Variants in RYR1 observed in about 807,000 individuals in gnomAD.
RYR1 encodes the protein central core disease of muscle.
Under a neutral mutation model 583.5 loss-of-function variants are expected in RYR1, and 342 were observed. That is an observed-to-expected ratio of 0.59 (90% CI 0.54 to 0.64). The LOEUF (loss-of-function observed/expected upper bound fraction) is 0.64, where lower values mean the gene tolerates loss of function less well. RYR1 is among the 30% of genes least tolerant of loss of function. The pLI is 0.00. For missense variants in RYR1, 6,032 were observed against 6,917.2 expected (o/e 0.87, Z 4.54); for synonymous variants, 2,791 against 2,822.5 (o/e 0.99, Z 0.35).
At chr19:38,526,817 C>G in intron 71 of RYR1, 176 bp from the exon 72 acceptor site, 5 of 643,170 alleles carry the variant, frequency 7.8e-6, no homozygotes, top group African/African-American at 5.4e-5. Flanking sequence ...TCCGGCCCCT[C>G]TAGGACCCCT....
intron 87 of RYR1, among the ~76,000 whole-genome samples, chr19:38,544,219 G>A (rs1448248034): frequency 6.6e-6 from 1 of 152,142 alleles, no homozygotes; most frequent in Non-Finnish European, 1.5e-5. Flanking sequence ...GGCTAGGATG[G>A]GGCTGGTTTC....
rs141659378 is a variant in RYR1, at chr19:38,514,385, A to T, written c.9473-641A>T. ...AACCTCTGCCTCCCGGGTTCAAGTG[A>T]TTCTCCTGCCTCAGCCCCCCGAGTA... On this transcript the variant is annotated intron_variant, in intron 63 of 105. Coordinates refer to ENST00000359596, the MANE Select transcript of RYR1 (RefSeq NM_000540.3). Among the ~76,000 whole-genome samples, 1,304 of 149,582 alleles carry T rather than the reference A, an allele frequency of 8.7e-3. 17 individuals are homozygous for T. The highest frequency in any genetic ancestry group is 0.031 in the African/African-American group (1,250 of 40,392).
chr19:38,466,207 C>G lies in RYR1; in HGVS notation c.2987C>G (p.Ala996Gly). The stretch of plus-strand genomic sequence containing the variant: ...GCAGAAAATGGGCACAACGTGTGGG[C>G]CCGAGACCGCGTGGGCCAGGGCTGG... ...RLAENGHNVW[A>G]RDRVGQGWSY... The change falls in exon 24 of 106, where the codon GCC becomes GGC. Residue 996 changes from alanine (A) to glycine (G), a missense_variant. Ala to Gly is a moderately conservative substitution (Grantham distance 60). Around this residue, in one of 11 missense-constraint regions of RYR1, gnomAD observed 2,627 missense variants for 2,961.3 expected, o/e 0.89. Transcript: ENST00000359596. 6.2e-7 allele frequency: 1 copy of G among 1,613,442 alleles called. No homozygotes were observed. Among genetic ancestry groups the G allele is most frequent in the Non-Finnish European group, 8.5e-7 (1 of 1,179,952 alleles).
In RYR1 at chr19:38,466,241, C is replaced by G. The variant is rs143891703; in HGVS notation, c.3021C>G (p.Ser1007Arg). The change falls in exon 24 of 106, where the codon AGC becomes AGG. Residue 1007 changes from serine (S) to arginine (R), a missense_variant. This residue lies in a region of RYR1 where 2,627 missense variants were observed against 2,961.3 expected (regional missense o/e 0.89). Coordinates refer to ENST00000359596, the MANE Select transcript of RYR1 (RefSeq NM_000540.3). ...GCGTGGGCCAGGGCTGGAGCTACAG[C>G]GCAGTGCAGGACATCCCAGCGCGCC... ...RDRVGQGWSY[S>R]AVQDIPARRN... 1.2e-6 allele frequency: 2 copies of G among 1,613,238 alleles called. No homozygotes were observed. The highest frequency in any genetic ancestry group is 2.7e-5 in the African/African-American group (2 of 74,928).
chr19:38,448,744 C>T lies in RYR1; in HGVS notation c.1053C>T (p.Ala351=), dbSNP rs1966923320. 5 of 1,614,110 alleles carry T rather than the reference C, an allele frequency of 3.1e-6. No homozygotes were observed. Among genetic ancestry groups the T allele is most frequent in the Non-Finnish European group, 4.2e-6 (5 of 1,180,052 alleles). The change falls in exon 11 of 106, where the codon GCC becomes GCT. Residue 351 remains alanine (A), a synonymous_variant. Transcript: ENST00000359596. ...GESLCFVQHV[A]SGLWLTYAAP... Reference sequence around the variant, plus strand: ...CACTGTGCTTCGTGCAGCATGTGGCCTCAGGACTGTGGCTCACCTATGCTG... The same window carrying T: ...CACTGTGCTTCGTGCAGCATGTGGCTTCAGGACTGTGGCTCACCTATGCTG...
chr19:38,478,419 C>A lies in RYR1; in HGVS notation c.4455-16C>A. On this transcript the variant is annotated splice_polypyrimidine_tract_variant and intron_variant, in intron 30 of 105. Coordinates refer to ENST00000359596, the MANE Select transcript of RYR1 (RefSeq NM_000540.3). ...ACTCACATGAGGAGTGCAGTGACCG[C>A]TTCTGTCTCCTGCAGCCTCAAGTGT... is the stretch of plus-strand genomic sequence containing the variant. 6.2e-7 allele frequency: 1 copy of A among 1,612,092 alleles called. No individual in the cohort carries two copies. The highest frequency in any genetic ancestry group is 1.1e-5 in the South Asian group (1 of 91,026).
chr19:38,510,878 C>T, intron 60 of RYR1, 97 bp downstream of exon 60: 1 of 1,554,452 alleles, frequency 6.4e-7, no homozygotes, highest in Non-Finnish European at 8.8e-7. Context: ...GTGTTGGGTA[C>T]TGACCGTCTC....
intron 90 of RYR1, among the ~76,000 whole-genome samples, chr19:38,563,986 C>G (rs1255695911): frequency 1.3e-5 from 2 of 152,228 alleles, no homozygotes; most frequent in African/African-American, 4.8e-5. Flanking sequence ...TTTATGGAAA[C>G]TGCTTGTATG....
At position 38,585,119 on chromosome 19, in the gene RYR1, G is replaced by C. The variant is rs761197295; in HGVS notation, c.14803+20G>C. Reference sequence around the variant, plus strand: ...TCCAGGGTCAGTGCTGGGAGTGGGCGCTCAGGGCCCGGAGGCAGGCTAGCT... The same window carrying C: ...TCCAGGGTCAGTGCTGGGAGTGGGCCCTCAGGGCCCGGAGGCAGGCTAGCT... On this transcript the variant is annotated intron_variant, in intron 102 of 105. Coordinates refer to ENST00000359596, the MANE Select transcript of RYR1 (RefSeq NM_000540.3). 1.2e-6 allele frequency: 2 copies of C among 1,612,326 alleles called. No individual in the cohort carries two copies. The highest frequency in any genetic ancestry group is 1.7e-6 in the Non-Finnish European group (2 of 1,179,166).
In RYR1 at chr19:38,483,012, C is replaced by A; in HGVS notation, c.4621-15C>A. The A allele has an allele frequency of 6.2e-7, 1 of 1,612,872 alleles. No individual in the cohort carries two copies. Among genetic ancestry groups the A allele is most frequent in the Non-Finnish European group, 8.5e-7 (1 of 1,178,898 alleles). ...CCCACCCGTTTGCTCACCTCGTCCT[C>A]TTCTCCTCTGCCAGGTGGAACCCAA... On this transcript the variant is annotated splice_polypyrimidine_tract_variant and intron_variant, in intron 31 of 105. Transcript: ENST00000359596. The surrounding 1 kb of genome is among the most constrained non-coding windows in gnomAD (Gnocchi z 6.3).
At position 38,574,359 on chromosome 19, in the gene RYR1, T is replaced by C. The variant is rs369370180; in HGVS notation, c.14129+1052T>C. ...GGGGCCGCACTCAGTGGCTCACGCC[T>C]GTAATCTCAGCACTTTGGGAGGCTG... On this transcript the variant is annotated intron_variant, in intron 96 of 105. Transcript: ENST00000359596. Among the ~76,000 whole-genome samples, 14 of 150,562 alleles carry C rather than the reference T, an allele frequency of 9.3e-5. No individual in the cohort carries two copies. In the East Asian group the frequency reaches 2.7e-3, roughly 29 times the overall value.
rs532257501 is a variant in RYR1, at chr19:38,489,572, A to G, written c.5814+129A>G. On this transcript the variant is annotated intron_variant, in intron 35 of 105. Transcript: ENST00000359596. ...GTGGAAATGCATATGGCAGTGAGCA[A>G]TGCCAACTTGGAAAGATCTCTGTTT... is the stretch of plus-strand genomic sequence containing the variant. 53 of 948,906 alleles carry G rather than the reference A, an allele frequency of 5.6e-5. 1 individual carries two copies. The South Asian group carries it at 6.4e-4, about 12-fold the overall frequency. The allele number at this position is 948,906 out of a possible 1,614,324, so 58.8% of individuals were successfully genotyped here.
intron 39 of RYR1, among the ~76,000 whole-genome samples, chr19:38,495,778 T>A (rs889361903): frequency 2.8e-4 from 42 of 152,090 alleles, no homozygotes; most frequent in African/African-American, 9.9e-4. Flanking sequence ...TTTTTTTTTT[T>A]TATTTTTTGA....
Position 38,502,557 on chromosome 19 carries a change from C to G in RYR1, c.7665C>G (p.Cys2555Trp). The change falls in exon 48 of 106, where the codon TGC becomes TGG. Residue 2555 changes from cysteine to tryptophan, a missense_variant. Physicochemically the swap from Cys to Trp is radical, Grantham distance 215. This residue lies in a region of RYR1 where 250 missense variants were observed against 162.3 expected (regional missense o/e 1.54). Transcript: ENST00000359596. ...CGCTGGCGCTGAACCGCTACCTGTG[C>G]CTGGCCGTGCTGCCGCTCATCACCA... is the stretch of plus-strand genomic sequence containing the variant. ...EMALALNRYL[C>W]LAVLPLITKC... is the part of the protein sequence containing the mutation. 6.2e-7 allele frequency: 1 copy of G among 1,611,712 alleles called. No homozygotes were observed.
intron 84 of RYR1, among the ~76,000 whole-genome samples, chr19:38,541,174 G>A (rs1381191900): frequency 1.3e-5 from 2 of 152,206 alleles, no homozygotes; most frequent in Non-Finnish European, 2.9e-5. Flanking sequence ...GCCTTTACAG[G>A]TTCTAATTCA....
intron 1 of RYR1, 44 bp downstream of exon 1, chr19:38,433,918 G>C (rs755890514): frequency 6.5e-7 from 1 of 1,541,406 alleles, no homozygotes. Context: ...ATCTCTTGGG[G>C]CTCTCTGAGG....
intron 67 of RYR1, among the ~76,000 whole-genome samples, chr19:38,520,530 A>G (rs1394944377): frequency 6.6e-6 from 1 of 151,724 alleles, no homozygotes; most frequent in African/African-American, 2.4e-5. Context: ...CCCTGTCTCT[A>G]TTATGAATAC....
intron 95 of RYR1, 146 bp downstream of exon 95, chr19:38,572,416 G>A: frequency 1.0e-6 from 1 of 999,232 alleles, no homozygotes; most frequent in Non-Finnish European, 1.5e-6. Context: ...GGGGAACTGG[G>A]TACAGGATTG....
At chr19:38,443,935 G>T in intron 5 of RYR1, 139 bp downstream of exon 5, 1 of 867,796 alleles carries the variant, frequency 1.2e-6, no homozygotes, top group Non-Finnish European at 1.9e-6. Flanking sequence ...AGAGTCTGCG[G>T]TACAGTCCAG....
Sources: gnomAD v4.1 joint callset for allele counts (sites outside exome capture counted in the v4.1 genomes callset) on GRCh38, gnomAD v4.1.1 for gene constraint, gnomAD v4.1.1 regional missense constraint, Gnocchi (gnomAD v3.1) non-coding constraint, MANE v1.5 for transcripts, NCBI Gene and HGNC (gene_info 2026-07-23, HGNC 2026-07-21) for gene names.